Variants in ALG12 observed in about 807,000 individuals in gnomAD.
The protein encoded by ALG12 is ALG12 alpha-1,6-mannosyltransferase.
Under a neutral mutation model 46.0 loss-of-function variants are expected in ALG12, and 36 were observed. The observed-to-expected ratio is 0.78, with a 90% CI of 0.60 to 1.03. ALG12 has a LOEUF of 1.03. ALG12 is among the 50% of genes least tolerant of loss of function. ALG12 has a pLI of 0.00. For missense variants in ALG12, 599 were observed against 633.5 expected (o/e 0.95, Z 0.58); for synonymous variants, 326 against 291.6 (o/e 1.12, Z -1.20).
intron 1 of ALG12, 114 bp from the exon 2 acceptor site, chr22:49,913,957 C>G (rs912712624): frequency 5.9e-6 from 4 of 672,362 alleles, no homozygotes; most frequent in Non-Finnish European, 1.0e-5. Context: ...AGTCGCACTA[C>G]TACAAATCTG....
At chr22:49,886,486 G>A in the ALG12 span, 1 of 1,568,866 alleles carries the variant, frequency 6.4e-7, no homozygotes. This position sits in a 1 kb window ranked among gnomAD's most constrained non-coding sequence, Gnocchi z 7.7. Flanking sequence ...GCCCTTCGAG[G>A]CTGCGAGCCG....
At chr22:49,861,609 A>C in the ALG12 span, among the ~76,000 whole-genome samples, 1 of 151,712 alleles carries the variant, frequency 6.6e-6, no homozygotes, top group African/African-American at 2.4e-5. Flanking sequence ...ATTTTTTTCA[A>C]ATTTTTTGTA....
chr22:49,884,202 C>T, the ALG12 span: 1 of 1,606,330 alleles, frequency 6.2e-7, no homozygotes, highest in Non-Finnish European at 8.5e-7. Flanking sequence ...CTGCCGTGTC[C>T]TCGTTCCCCT....
chr22:49,883,827 T>G, the ALG12 span: 248 of 1,612,040 alleles, frequency 1.5e-4, 1 homozygote, highest in African/African-American at 2.6e-3. Context: ...CAGACAGCGG[T>G]GGGGAGCGAG....
chr22:49,888,092 CTTGTTATAT>C, the ALG12 span: 2 of 167,128 alleles, frequency 1.2e-5, no homozygotes, highest in Non-Finnish European at 2.9e-5. Flanking sequence ...AGGGAAGAAG[CTTGTTATAT>C]TCCAGTTGTA....
At chr22:49,910,404 G>A in intron 4 of ALG12, 30 bp downstream of exon 4, 1 of 1,609,692 alleles carries the variant, frequency 6.2e-7, no homozygotes. Flanking sequence ...CGGCACCATG[G>A]GTGTGCAGGC....
chr22:49,902,935 T>C lies in ALG12; in HGVS notation c.*903A>G. On this transcript the variant is annotated 3_prime_UTR_variant, in exon 10 of 10. Transcript: ENST00000330817. ...GCATGGTGTGTGCACGTGTGCACGG[T>C]GTGTGGTGTGTATGCATGGTGTGTG... 1 of 266,228 alleles carries C rather than the reference T, an allele frequency of 3.8e-6. No individual in the cohort carries two copies. Among genetic ancestry groups the C allele is most frequent in the South Asian group, 3.2e-5 (1 of 31,270 alleles). 16.5% of individuals were successfully genotyped at this position (266,228 alleles called of 1,614,324 possible). A position where few individuals can be genotyped will look rare whatever the true frequency, so the allele number is the denominator to read the frequency against.
At chr22:49,865,425 G>A in the ALG12 span, among the ~76,000 whole-genome samples, 4,649 of 151,980 alleles carry the variant, frequency 0.031, 89 homozygotes, top group Non-Finnish European at 0.043. Context: ...AAGGCGGGCG[G>A]AACTCCTGAG....
At chr22:49,874,566 G>T in the ALG12 span, among the ~76,000 whole-genome samples, 1 of 149,008 alleles carries the variant, frequency 6.7e-6, no homozygotes, top group African/African-American at 2.5e-5. Context: ...GTAGACATGG[G>T]ATTTCACCAG....
At chr22:49,883,742 A>G in the ALG12 span, 2 of 1,612,220 alleles carry the variant, frequency 1.2e-6, no homozygotes, top group Admixed American at 3.3e-5. Flanking sequence ...ATAGAAGAGG[A>G]AGATGATGAT....
In ALG12 at chr22:49,903,360, G is replaced by GT. The variant is rs1254353939; in HGVS notation, c.*477dup. 1 of 457,560 alleles carries GT rather than the reference G, an allele frequency of 2.2e-6. No individual in the cohort carries two copies. Among genetic ancestry groups the GT allele is most frequent in the Non-Finnish European group, 4.4e-6 (1 of 228,296 alleles). The allele number at this position is 457,560 out of a possible 1,614,324, so 28.3% of individuals were successfully genotyped here. A position where few individuals can be genotyped will look rare whatever the true frequency, so the allele number is the denominator to read the frequency against. On this transcript the variant is annotated 3_prime_UTR_variant, in exon 10 of 10. Transcript: ENST00000330817. ...GCAGTGGTGGCACCAGGGTGGGGGG[G>GT]TGCGGCCGGGGCCACCATGGTCTCC... is the stretch of plus-strand genomic sequence containing the variant.
At chr22:49,908,536 A>C (rs1363846461) in intron 6 of ALG12, among the ~76,000 whole-genome samples, 2 of 144,964 alleles carry the variant, frequency 1.4e-5, no homozygotes, top group Non-Finnish European at 3.0e-5. Context: ...CAAAAAAAAA[A>C]AAAAAAAAAA....
chr22:49,889,329 A>G, the ALG12 span: 2 of 167,086 alleles, frequency 1.2e-5, no homozygotes, highest in African/African-American at 2.4e-5. Context: ...TCAGGCTGCG[A>G]CGGGAGAACT....
At chr22:49,862,370 C>T in the ALG12 span, among the ~76,000 whole-genome samples, 5 of 152,378 alleles carry the variant, frequency 3.3e-5, no homozygotes, top group African/African-American at 1.2e-4. Flanking sequence ...CTGCAAGTAG[C>T]TGGGACTACG....
intron 7 of ALG12, 145 bp from the exon 8 acceptor site, chr22:49,904,651 T>C (rs1569173485): frequency 5.3e-6 from 5 of 939,612 alleles, no homozygotes; most frequent in Non-Finnish European, 8.2e-6. Context: ...ACAGAGTCAG[T>C]AACCCGTAAA....
chr22:49,885,552 G>A, the ALG12 span: 107 of 1,604,760 alleles, frequency 6.7e-5, no homozygotes, highest in South Asian at 4.4e-4. Context: ...CCCGGGTGCC[G>A]CGGGGCACAG....
At position 49,910,072 on chromosome 22, in the gene ALG12, C is replaced by G; in HGVS notation, c.486G>C (p.Ala162=). ...GGGCCCACTCGTGCCGCAGCCAGGC[C>G]GCGAGGGCCAGCAGGACTGCAAGAC... ...LALPVVLLAL[A]AWLRHEWARF... Residue 162 remains alanine (A), a synonymous_variant, in exon 5 of 10, where the codon GCG becomes GCC. Transcript: ENST00000330817. 6.2e-7 allele frequency: 1 copy of G among 1,609,968 alleles called. No individual in the cohort carries two copies. The highest frequency in any genetic ancestry group is 1.1e-5 in the South Asian group (1 of 90,520).
chr22:49,884,262 C>T, the ALG12 span: 1 of 1,609,730 alleles, frequency 6.2e-7, no homozygotes, highest in South Asian at 1.1e-5. Flanking sequence ...GTGACCTCAG[C>T]ACCATCCTCT....
intron 1 of ALG12, among the ~76,000 whole-genome samples, chr22:49,914,239 A>G (rs1012707890): frequency 3.3e-5 from 5 of 152,308 alleles, no homozygotes; most frequent in Admixed American, 3.3e-4. Context: ...TGGGAGGCTG[A>G]GGGGTGCCAG....
Sources: allele counts gnomAD v4.1 joint callset (sites outside exome capture counted in the v4.1 genomes callset), GRCh38; gene constraint gnomAD v4.1.1; non-coding constraint Gnocchi (gnomAD v3.1); transcripts MANE v1.5; gene names NCBI Gene and HGNC (gene_info 2026-07-23, HGNC 2026-07-21).